The following CENPI variants were observed in gnomAD, a reference collection of about 807,000 sequenced individuals.
CENPI encodes centromere protein I, also known as FSH primary response 1.
In CENPI, 4 loss-of-function variants were observed where a neutral mutation model predicts 60.4. That is an observed-to-expected ratio of 0.07 (90% CI 0.03 to 0.15). The LOEUF (loss-of-function observed/expected upper bound fraction) is 0.15. Ranked by LOEUF, CENPI falls within the 10% of genes least tolerant of loss-of-function variation. The pLI, the probability that CENPI is intolerant of heterozygous loss-of-function variation, is 1.00. For synonymous variants in CENPI, 157 were observed against 189.4 expected, an observed-to-expected ratio of 0.83 and a Z score of 1.40; for missense variants, 444 against 534.5, an observed-to-expected ratio of 0.83 and a Z score of 1.67.
chrX:101,117,370 T>G (rs924695127), intron 6 of CENPI, among the ~76,000 whole-genome samples: 4 of 111,371 alleles, frequency 3.6e-5, no homozygotes, highest in Admixed American at 9.6e-5. Context: ...CTGGCTAATT[T>G]TGTATTTTTA....
At chrX:101,102,500 C>T (rs1188568471) in intron 4 of CENPI, 89 bp downstream of exon 4, 4 of 269,416 alleles carry the variant, frequency 1.5e-5, no homozygotes, top group African/African-American at 6.5e-5. Flanking sequence ...TATATATACA[C>T]ACACACACAC....
intron 20 of CENPI, among the ~76,000 whole-genome samples, chrX:101,154,300 G>C (rs1002163627): frequency 9.0e-6 from 1 of 111,645 alleles, no homozygotes; most frequent in Admixed American, 9.6e-5. Context: ...GGGCATGGTG[G>C]CTCACACCTG....
chrX:101,178,398 C>CTTTTTTTTTTTTTTTTTTTTTTTTTTTT, the CENPI span, among the ~76,000 whole-genome samples: 8 of 39,976 alleles, frequency 2.0e-4, 1 homozygote, highest in African/African-American at 2.6e-4. Context: ...TTTTCTTCTT[C>CTTTTTTTTTTTTTTTTTTTTTTTTTTTT]TTTTTTTTTT....
At chrX:101,130,163 G>A (rs2089780988) in intron 13 of CENPI, 90 bp downstream of exon 13, 3 of 642,641 alleles carry the variant, frequency 4.7e-6, no homozygotes, top group Admixed American at 5.2e-5. Context: ...GCCCGGCTGC[G>A]GTGGCTCACA....
chrX:101,155,319 A>T (rs987480709), intron 20 of CENPI, among the ~76,000 whole-genome samples: 56 of 110,824 alleles, frequency 5.1e-4, no homozygotes, highest in Admixed American at 4.0e-3. Context: ...CCTCCCAAGT[A>T]GCTGGGATTA....
intron 8 of CENPI, among the ~76,000 whole-genome samples, chrX:101,122,341 A>G (rs972306771): frequency 8.9e-6 from 1 of 111,733 alleles, no homozygotes; most frequent in Admixed American, 9.6e-5. Flanking sequence ...CACAGAACAC[A>G]TTTGTGCTTC....
intron 21 of CENPI, 52 bp from the exon 22 acceptor site, chrX:101,162,781 A>G: frequency 2.5e-6 from 3 of 1,181,016 alleles, no homozygotes; most frequent in Non-Finnish European, 3.4e-6. Context: ...GAAATAGAGA[A>G]AAAGCATAGT....
At chrX:101,129,181 C>T (rs1382395950) in intron 12 of CENPI, among the ~76,000 whole-genome samples, 1 of 111,664 alleles carries the variant, frequency 9.0e-6, no homozygotes, top group East Asian at 2.8e-4. Flanking sequence ...AATGTACAAG[C>T]CAGAATGTCA....
chrX:101,154,396 T>C (rs371607690), intron 20 of CENPI, among the ~76,000 whole-genome samples: 48 of 110,556 alleles, frequency 4.3e-4, no homozygotes, highest in Middle Eastern at 4.7e-3. Flanking sequence ...GGTGAAATGT[T>C]GGGCATTTCT....
At chrX:101,141,867 G>T (rs2089918762) in intron 16 of CENPI, among the ~76,000 whole-genome samples, 1 of 110,449 alleles carries the variant, frequency 9.1e-6, no homozygotes, top group Admixed American at 9.7e-5. Flanking sequence ...GAGTAGCTCT[G>T]ACCACAAGCG....
downstream of CENPI, among the ~76,000 whole-genome samples, chrX:101,169,021 T>C (rs1010648909): frequency 1.8e-5 from 2 of 112,097 alleles, no homozygotes; most frequent in African/African-American, 6.5e-5. Context: ...TCAAAGAAAT[T>C]AAAGCAACTA....
Position 101,120,432 on chromosome X carries a change from C to A in CENPI, c.622C>A (p.Leu208Ile). The change falls in exon 7 of 22, where the codon CTT becomes ATT. Residue 208 changes from leucine (L) to isoleucine (I), a missense_variant. Physicochemically the swap from Leu to Ile is conservative, Grantham distance 5. Transcript: ENST00000682095. ...CPYVCHLLYLLTKKENVKPFR... is the reference protein window; with the variant it reads ...CPYVCHLLYLITKKENVKPFR... ...TTATGTTTGCCATTTGTTATATTTA[C>A]TTACCAAAAAAGAGAATGGTGAGTA... The A allele has an allele frequency of 1.0e-6, 1 of 970,565 alleles. No homozygotes were observed. Among genetic ancestry groups the A allele is most frequent in the Non-Finnish European group, 1.5e-6 (1 of 680,509 alleles). The allele number at this position is 970,565 out of a possible 1,213,427, so 80.0% of individuals were successfully genotyped here.
intron 15 of CENPI, among the ~76,000 whole-genome samples, chrX:101,138,630 T>C (rs1602824418): frequency 1.0e-5 from 1 of 100,390 alleles, no homozygotes; most frequent in African/African-American, 3.9e-5. Context: ...CCAGCCAAGA[T>C]TTTTTTTTTT....
At chrX:101,169,133 GA>G (rs1205097529), downstream of CENPI, among the ~76,000 whole-genome samples, 3 of 112,056 alleles carry the variant, frequency 2.7e-5, no homozygotes, top group South Asian at 7.4e-4. Flanking sequence ...TCTGGACTTG[GA>G]AAAAAGTGAA....
intron 14 of CENPI, 28 bp from the exon 15 acceptor site, chrX:101,132,364 T>A (rs2089803755): frequency 1.7e-6 from 2 of 1,201,086 alleles, no homozygotes; most frequent in African/African-American, 3.5e-5. Context: ...TTGAAAGGAT[T>A]TTGAATAATC....
intron 20 of CENPI, among the ~76,000 whole-genome samples, chrX:101,160,091 T>G (rs908258850): frequency 8.9e-6 from 1 of 112,385 alleles, no homozygotes; most frequent in African/African-American, 3.2e-5. Context: ...TACATCGTTG[T>G]GATCATTGTC....
chrX:101,145,143 C>T lies in CENPI; in HGVS notation c.1645C>T (p.Arg549Cys), dbSNP rs752225365. The stretch of plus-strand genomic sequence containing the variant: ...AGGGTGGCTATCCACTACTGCAATG[C>T]GCTTGGAGAGCAACAATACTTTCTT... Reference protein sequence around the residue: ...YVGWLSTTAMRLESNNTFLLH... With the variant: ...YVGWLSTTAMCLESNNTFLLH... Residue 549 changes from arginine (R) to cysteine (C), a missense_variant, in exon 17 of 22, where the codon CGC becomes TGC. By Grantham distance (180) the Arg-to-Cys change is radical. Coordinates refer to ENST00000682095, the MANE Select transcript of CENPI (RefSeq NM_001386188.2). The T allele has an allele frequency of 5.0e-6, 6 of 1,204,850 alleles. No individual in the cohort carries two copies. Among genetic ancestry groups the T allele is most frequent in the South Asian group, 1.8e-5 (1 of 56,718 alleles).
chrX:101,137,381 C>T (rs761772539), intron 15 of CENPI, among the ~76,000 whole-genome samples: 2 of 111,410 alleles, frequency 1.8e-5, no homozygotes, highest in South Asian at 7.6e-4. Context: ...ATGTTCACTG[C>T]AAGTTCTTGG....
chrX:101,114,673 C>T (rs1049804410), intron 6 of CENPI, among the ~76,000 whole-genome samples: 1 of 112,113 alleles, frequency 8.9e-6, no homozygotes, highest in Non-Finnish European at 1.9e-5. Flanking sequence ...GAGTTTCACT[C>T]TTGTTGCCCA....
Sources: allele counts gnomAD v4.1 joint callset (sites outside exome capture counted in the v4.1 genomes callset), GRCh38; gene constraint gnomAD v4.1.1; transcripts MANE v1.5; gene names NCBI Gene and HGNC (gene_info 2026-07-23, HGNC 2026-07-21).